Variants in GRAMD1B observed in about 807,000 individuals in gnomAD.
GRAMD1B encodes protein Aster-B.
Under a neutral mutation model 99.7 loss-of-function variants are expected in GRAMD1B, and 37 were observed. The ratio of observed to expected loss-of-function variants is 0.37; its 90% confidence interval spans 0.29 to 0.49. The LOEUF (loss-of-function observed/expected upper bound fraction) is 0.49, where lower values mean the gene tolerates loss of function less well. Ranked by LOEUF, GRAMD1B falls within the 20% of genes least tolerant of loss-of-function variation. The probability of loss-of-function intolerance (pLI) is 0.98; values close to 1 mark genes in which losing one functional copy is unlikely to be tolerated. For synonymous variants in GRAMD1B, 427 were observed against 387.6 expected (o/e 1.10, Z -1.19); for missense variants, 888 against 1,009.2 (o/e 0.88, Z 1.63).
At chr11:123,552,464 G>A (rs564157533) in intron 2 of GRAMD1B, among the ~76,000 whole-genome samples, 6 of 151,734 alleles carry the variant, frequency 4.0e-5, no homozygotes, top group South Asian at 2.1e-4. Flanking sequence ...TAGTAGAGAC[G>A]GGGTTTCACC....
At chr11:123,429,007 T>C (rs765917982), upstream of GRAMD1B, among the ~76,000 whole-genome samples, 13 of 152,020 alleles carry the variant, frequency 8.6e-5, no homozygotes. This position sits in a 1 kb window ranked among gnomAD's most constrained non-coding sequence, Gnocchi z 4.0. Context: ...GCCTGGGCAA[T>C]ATAGCAAGAC....
At chr11:123,605,709 T>C (rs1219252436) in intron 10 of GRAMD1B, among the ~76,000 whole-genome samples, 1 of 152,218 alleles carries the variant, frequency 6.6e-6, no homozygotes, top group East Asian at 1.9e-4. Context: ...GTTTGACTTC[T>C]GAGCAGATGA....
chr11:123,435,102 A>G (rs1949101109), intron 1 of GRAMD1B, among the ~76,000 whole-genome samples: 1 of 152,214 alleles, frequency 6.6e-6, no homozygotes, highest in Admixed American at 6.5e-5. Context: ...GTATGAGGTT[A>G]CATACTCACG....
intron 3 of GRAMD1B, among the ~76,000 whole-genome samples, chr11:123,578,863 AG>A (rs1484287173): frequency 6.6e-6 from 1 of 152,156 alleles, no homozygotes; most frequent in African/African-American, 2.4e-5. Context: ...TGAGGATGGC[AG>A]GAGGGCTGCG....
intron 1 of GRAMD1B, among the ~76,000 whole-genome samples, chr11:123,409,819 C>A (rs944005093): frequency 6.6e-6 from 1 of 152,216 alleles, no homozygotes; most frequent in Non-Finnish European, 1.5e-5. Flanking sequence ...AAACCCACAA[C>A]AAGCAGCTCA....
At chr11:123,433,461 T>C (rs1392798277) in intron 1 of GRAMD1B, among the ~76,000 whole-genome samples, 3 of 152,212 alleles carry the variant, frequency 2.0e-5, no homozygotes, top group Admixed American at 6.5e-5. Context: ...AGACCTTCTT[T>C]TGATCTTGAG....
At chr11:123,424,749 A>G (rs1312408382) in intron 1 of GRAMD1B, among the ~76,000 whole-genome samples, 7 of 152,144 alleles carry the variant, frequency 4.6e-5, no homozygotes, top group Non-Finnish European at 1.0e-4. Context: ...AAATTTATCA[A>G]TCTTTCCAGT....
chr11:123,618,835 A>T (rs761873623), intron 18 of GRAMD1B, 35 bp downstream of exon 18: 16 of 1,042,114 alleles, frequency 1.5e-5, no homozygotes, highest in Non-Finnish European at 2.3e-5. Flanking sequence ...CTCCACCTTC[A>T]TCCCACCCAG....
intron 7 of GRAMD1B, chr11:123,599,504 ACT>A: frequency 1.8e-6 from 1 of 562,098 alleles, no homozygotes; most frequent in Non-Finnish European, 3.4e-6. Context: ...GCGCAGTCTC[ACT>A]CTGTCACCCA....
intron 5 of GRAMD1B, among the ~76,000 whole-genome samples, 194 bp downstream of exon 5, chr11:123,594,360 C>T (rs1951012859): frequency 6.6e-6 from 1 of 152,190 alleles, no homozygotes; most frequent in Non-Finnish European, 1.5e-5. Context: ...CCTCAAGAGC[C>T]CAACCTGGAG....
At chr11:123,370,857 C>T (rs77128090) in intron 1 of GRAMD1B, among the ~76,000 whole-genome samples, 690 of 152,242 alleles carry the variant, frequency 4.5e-3, no homozygotes, top group Admixed American at 7.0e-3. Flanking sequence ...TCAATCTGCA[C>T]CATACCCCAT....
chr11:123,595,884 C>T (rs1482738505), intron 6 of GRAMD1B, 58 bp from the exon 7 acceptor site: 1 of 937,246 alleles, frequency 1.1e-6, no homozygotes, highest in African/African-American at 1.6e-5. Flanking sequence ...CACTGTTTAC[C>T]TGACTTACTA....
chr11:123,537,646 G>C (rs1038680562), intron 2 of GRAMD1B, among the ~76,000 whole-genome samples: 1 of 152,206 alleles, frequency 6.6e-6, no homozygotes, highest in Non-Finnish European at 1.5e-5. Flanking sequence ...TTAGCCAAGA[G>C]TTTCTACTTC....
intron 1 of GRAMD1B, chr11:123,460,233 T>C: frequency 6.6e-6 from 1 of 152,232 alleles, no homozygotes; most frequent in East Asian, 1.9e-4. Flanking sequence ...CAGAAGGCTG[T>C]CAAAGTGCTT....
intron 3 of GRAMD1B, chr11:123,578,336 T>C: frequency 7.8e-7 from 1 of 1,281,496 alleles, no homozygotes; most frequent in Non-Finnish European, 1.1e-6. Context: ...GAATTTGTCT[T>C]TTGATTTCTT....
intron 2 of GRAMD1B, among the ~76,000 whole-genome samples, chr11:123,570,421 C>CTTTTTTTTTTTTTTTT (rs755038860): frequency 7.7e-6 from 1 of 130,578 alleles, no homozygotes; most frequent in African/African-American, 2.9e-5. Flanking sequence ...TTTTTCTTTT[C>CTTTTTTTTTTTTTTTT]TTTTTTTTTT....
intron 1 of GRAMD1B, among the ~76,000 whole-genome samples, chr11:123,401,658 C>T (rs1475385276): frequency 6.6e-6 from 1 of 152,122 alleles, no homozygotes. Context: ...AGTGTGGTGG[C>T]AGGGGTGGGG....
chr11:123,523,999 T>G (rs911763555), intron 2 of GRAMD1B, among the ~76,000 whole-genome samples: 3 of 152,210 alleles, frequency 2.0e-5, no homozygotes, highest in Non-Finnish European at 2.9e-5. Flanking sequence ...GTATACCTTA[T>G]TTTTTTCTTT....
At chr11:123,473,110 G>A (rs1164579188) in intron 1 of GRAMD1B, among the ~76,000 whole-genome samples, 3 of 145,722 alleles carry the variant, frequency 2.1e-5, no homozygotes, top group Non-Finnish European at 4.4e-5. Context: ...TGTCCCCCAG[G>A]CTGGAGAGCA....
Sources: gnomAD v4.1 joint callset for allele counts (sites outside exome capture counted in the v4.1 genomes callset) on GRCh38, gnomAD v4.1.1 for gene constraint, Gnocchi (gnomAD v3.1) non-coding constraint, MANE v1.5 for transcripts, NCBI Gene and HGNC (gene_info 2026-07-23, HGNC 2026-07-21) for gene names.